Variants in EVA1A observed in about 807,000 individuals in gnomAD.
The protein encoded by EVA1A is protein eva-1 homolog A.
In EVA1A, 7 loss-of-function variants were observed where a neutral mutation model predicts 9.8. The ratio of observed to expected loss-of-function variants is 0.71; its 90% confidence interval spans 0.41 to 1.34. The LOEUF (loss-of-function observed/expected upper bound fraction) is 1.34. Ranked by LOEUF, EVA1A falls within the 40% of genes most tolerant of loss-of-function variation. The probability of loss-of-function intolerance (pLI) is 0.01; values close to 1 mark genes in which losing one functional copy is unlikely to be tolerated. For synonymous variants in EVA1A, 90 were observed against 85.6 expected (o/e 1.05, Z -0.28); for missense variants, 206 against 205.9 (o/e 1.00, Z 0.00).
rs1324404076 is a variant in EVA1A at position 75,518,158 on chromosome 2, C to T, written c.-18G>A. 6.2e-7 allele frequency: 1 copy of T among 1,612,590 alleles called. No homozygotes were observed. The highest frequency in any genetic ancestry group is 2.2e-5 in the East Asian group (1 of 44,842). On this transcript the variant is annotated 5_prime_UTR_variant, in exon 3 of 4. Transcript: ENST00000393913. ...AGCCTCATGGGACATCCAGAGGGGACCTCCTGGAGGTGCTTGGCTGAATCA... is the reference window on the plus strand; with the variant it reads ...AGCCTCATGGGACATCCAGAGGGGATCTCCTGGAGGTGCTTGGCTGAATCA...
At chr2:75,558,976 C>A (rs1316294924) in intron 1 of EVA1A, among the ~76,000 whole-genome samples, 1 of 152,124 alleles carries the variant, frequency 6.6e-6, no homozygotes, top group African/African-American at 2.4e-5. Flanking sequence ...GATTTGGCAA[C>A]AGAATTCTGG....
chr2:75,518,733 T>C (rs1446386943), intron 2 of EVA1A: 1 of 986,802 alleles, frequency 1.0e-6, no homozygotes, highest in Non-Finnish European at 1.2e-6. Context: ...CACTGCGTTT[T>C]AACTACAAGC....
In EVA1A at chr2:75,493,012, C is replaced by T; in HGVS notation, c.*224G>A. 3.3e-6 allele frequency: 2 copies of T among 602,746 alleles called. No individual in the cohort carries two copies. The highest frequency in any genetic ancestry group is 5.7e-6 in the Non-Finnish European group (2 of 351,538). 37.3% of individuals were successfully genotyped at this position (602,746 alleles called of 1,614,324 possible). On this transcript the variant is annotated 3_prime_UTR_variant, in exon 4 of 4. Transcript: ENST00000393913. ...CAGTGTTGGAGAGGATTTTTCAGCA[C>T]CATTCCGAGACCTGGAAAGGGTGAT...
intron 1 of EVA1A, among the ~76,000 whole-genome samples, chr2:75,528,741 C>G (rs76717567): frequency 1.3e-5 from 2 of 152,100 alleles, no homozygotes; most frequent in Admixed American, 1.3e-4. Flanking sequence ...TAGCACCCCC[C>G]ATTGCCTGAG....
At chr2:75,497,476 C>T (rs779262722) in intron 3 of EVA1A, among the ~76,000 whole-genome samples, 7 of 152,032 alleles carry the variant, frequency 4.6e-5, no homozygotes, top group Non-Finnish European at 8.8e-5. Context: ...ATCAAAACCA[C>T]GACGAGATAC....
chr2:75,504,877 T>C (rs1385949748), intron 3 of EVA1A, among the ~76,000 whole-genome samples: 1 of 152,184 alleles, frequency 6.6e-6, no homozygotes, highest in Non-Finnish European at 1.5e-5. Flanking sequence ...AACAGGTTGC[T>C]AGGTGCAGAA....
At chr2:75,567,617 C>T (rs750648419) in intron 1 of EVA1A, among the ~76,000 whole-genome samples, 6 of 152,292 alleles carry the variant, frequency 3.9e-5, no homozygotes, top group Non-Finnish European at 7.4e-5. Flanking sequence ...TTCTGAAACC[C>T]GCATAGTTCA....
intron 1 of EVA1A, chr2:75,542,041 C>T (rs1676144069): frequency 6.6e-6 from 1 of 152,072 alleles, no homozygotes; most frequent in Non-Finnish European, 1.5e-5. Flanking sequence ...TGGGTCTTTC[C>T]CATGCTGTTC....
chr2:75,503,487 A>G lies in EVA1A; in HGVS notation c.86-9878T>C, dbSNP rs550053852. Among the ~76,000 whole-genome samples, 11 of 152,274 alleles carry G rather than the reference A, an allele frequency of 7.2e-5. No homozygotes were observed. In the South Asian group the frequency reaches 1.2e-3, roughly 17 times the overall value. On this transcript the variant is annotated intron_variant, in intron 3 of 3. Coordinates refer to ENST00000393913, the MANE Select transcript of EVA1A (RefSeq NM_001135032.2). ...ATGTAGAGGTCCTGAAGCTAATTTC[A>G]TTTGCACCCTCAGAGGTCAGATCAT...
chr2:75,503,367 A>G (rs1374886190), intron 3 of EVA1A, among the ~76,000 whole-genome samples: 1 of 152,178 alleles, frequency 6.6e-6, no homozygotes, highest in African/African-American at 2.4e-5. Context: ...GGGGAGGGCT[A>G]TTGTCAGTTG....
chr2:75,538,281 C>T (rs1558686909), intron 1 of EVA1A, among the ~76,000 whole-genome samples: 1 of 152,092 alleles, frequency 6.6e-6, no homozygotes, highest in Non-Finnish European at 1.5e-5. Flanking sequence ...GGTGACAGAG[C>T]GAGACTCCAT....
chr2:75,569,264 C>T (rs1677081249), intron 1 of EVA1A, among the ~76,000 whole-genome samples: 1 of 152,110 alleles, frequency 6.6e-6, no homozygotes, highest in Non-Finnish European at 1.5e-5. Context: ...TCACTTGCCT[C>T]ACTTTCTTAA....
At chr2:75,568,783 C>T (rs1207935534) in intron 1 of EVA1A, among the ~76,000 whole-genome samples, 3 of 152,192 alleles carry the variant, frequency 2.0e-5, no homozygotes, top group African/African-American at 7.2e-5. Context: ...CTGTAAAAGA[C>T]ATTATTCTGT....
chr2:75,548,256 CCAAA>C (rs1253158599), intron 1 of EVA1A, among the ~76,000 whole-genome samples: 2 of 152,204 alleles, frequency 1.3e-5, no homozygotes, highest in Non-Finnish European at 2.9e-5. Flanking sequence ...CTTCAGCCTC[CCAAA>C]CAGCTAGAAT....
chr2:75,566,114 T>C (rs1677021890), intron 1 of EVA1A, among the ~76,000 whole-genome samples: 1 of 152,208 alleles, frequency 6.6e-6, no homozygotes, highest in South Asian at 2.1e-4. Flanking sequence ...CATTCATTCA[T>C]TCCACGACAG....
upstream of EVA1A, among the ~76,000 whole-genome samples, chr2:75,565,862 C>CTTTGCCCTACAGTTA: frequency 6.6e-6 from 1 of 152,158 alleles, no homozygotes; most frequent in South Asian, 2.1e-4. Flanking sequence ...TTTTTTCATG[C>CTTTGCCCTACAGTTA]TTTGCCCTAC....
chr2:75,565,641 C>T (rs192093979), upstream of EVA1A, among the ~76,000 whole-genome samples: 1 of 152,314 alleles, frequency 6.6e-6, no homozygotes, highest in Non-Finnish European at 1.5e-5. Context: ...CTGCTATTTA[C>T]AAGAAGCCTT....
At position 75,497,365 on chromosome 2, in the gene EVA1A, C is replaced by T. The variant is rs1247225768; in HGVS notation, c.86-3756G>A. ...AAAATAACTCTATTACAAATGAGCACAGGACATGAAAAGACACTTTGCAAA... is the reference window on the plus strand; with the variant it reads ...AAAATAACTCTATTACAAATGAGCATAGGACATGAAAAGACACTTTGCAAA... On this transcript the variant is annotated intron_variant, in intron 3 of 3. Transcript: ENST00000393913. 2.0e-5 allele frequency among the ~76,000 whole-genome samples: 3 copies of T among 151,956 alleles called. No homozygotes were observed. In the East Asian group the frequency reaches 5.8e-4, roughly 29 times the overall value.
intron 3 of EVA1A, among the ~76,000 whole-genome samples, chr2:75,497,656 G>A (rs369948514): frequency 6.6e-6 from 1 of 151,768 alleles, no homozygotes; most frequent in Admixed American, 6.6e-5. Flanking sequence ...CTTGAGACAA[G>A]CCTGGGCAAC....
Sources: allele counts gnomAD v4.1 joint callset (sites outside exome capture counted in the v4.1 genomes callset), GRCh38; gene constraint gnomAD v4.1.1; transcripts MANE v1.5; gene names NCBI Gene and HGNC (gene_info 2026-07-23, HGNC 2026-07-21).